Variants in SGK1 observed in about 807,000 individuals in gnomAD.
The protein encoded by SGK1 is serine/threonine-protein kinase Sgk1.
Under a neutral mutation model 64.2 loss-of-function variants are expected in SGK1, and 26 were observed. The observed-to-expected ratio is 0.40, with a 90% CI of 0.30 to 0.56. The LOEUF (loss-of-function observed/expected upper bound fraction) is 0.56. SGK1 is among the 20% of genes least tolerant of loss of function. The pLI is 0.38. For synonymous variants in SGK1, 265 were observed against 239.7 expected (o/e 1.11, Z -0.98); for missense variants, 519 against 645.6 (o/e 0.80, Z 2.12).
chr6:134,224,429 G>T (rs1379111989), intron 2 of SGK1, among the ~76,000 whole-genome samples: 1 of 152,152 alleles, frequency 6.6e-6, no homozygotes, highest in African/African-American at 2.4e-5. Context: ...GATCACTTGA[G>T]TTCTTAACTT....
Position 134,176,379 on chromosome 6 carries a change from G to T in SGK1, c.362-1793C>A, listed in dbSNP as rs529568953. Among the ~76,000 whole-genome samples the T allele has an allele frequency of 9.8e-5, 15 of 152,352 alleles. 1 individual carries two copies. Among genetic ancestry groups the T allele is most frequent in the African/African-American group, 3.6e-4 (15 of 41,586 alleles). On this transcript the variant is annotated intron_variant, in intron 3 of 13. Coordinates refer to ENST00000367858, the MANE Select transcript of SGK1 (RefSeq NM_001143676.3). ...TAGCCGGGTGACTCCGCTGCAGAAG[G>T]CAGGGAAGAGAGGGAAGCTCGAGGC...
chr6:134,173,373 A>T lies in SGK1; in HGVS notation c.619-16T>A, dbSNP rs763560132. 14 of 1,605,784 alleles carry T rather than the reference A, an allele frequency of 8.7e-6. No homozygotes were observed. Among genetic ancestry groups the T allele is most frequent in the Middle Eastern group, 1.6e-4 (1 of 6,070 alleles). ...CTAGAAGAACCTGAAATTTCAATTT[A>T]AAAAAATCATTTTTCTATCCTCATC... On this transcript the variant is annotated splice_polypyrimidine_tract_variant and intron_variant, in intron 6 of 13. Transcript: ENST00000367858.
At position 134,264,658 on chromosome 6, in the gene SGK1, G is replaced by A. The variant is rs796659050; in HGVS notation, c.70-2510C>T. Among the ~76,000 whole-genome samples the A allele has an allele frequency of 6.6e-5, 10 of 151,890 alleles. No individual in the cohort carries two copies. In the East Asian group the frequency reaches 1.9e-3, roughly 29 times the overall value. On this transcript the variant is annotated intron_variant, in intron 1 of 13. Coordinates refer to ENST00000367858, the MANE Select transcript of SGK1 (RefSeq NM_001143676.3). ...TATTATTATTATTTTTGTTGTTGTT[G>A]TTGTTAAAGGGTCTTGTTTTGTTCC... is the stretch of plus-strand genomic sequence containing the variant.
chr6:134,299,428 A>G (rs2114789726), intron 1 of SGK1, among the ~76,000 whole-genome samples: 1 of 152,290 alleles, frequency 6.6e-6, no homozygotes, highest in East Asian at 1.9e-4. Flanking sequence ...CATGGAACAA[A>G]AGCTGGCTCT....
chr6:134,273,478 A>G (rs1776971575), intron 1 of SGK1, among the ~76,000 whole-genome samples: 1 of 148,574 alleles, frequency 6.7e-6, no homozygotes. Context: ...CTGTAGTCCC[A>G]GCTACTTGGG....
chr6:134,267,498 G>T (rs1582752877), intron 1 of SGK1, among the ~76,000 whole-genome samples: 1 of 152,040 alleles, frequency 6.6e-6, no homozygotes, highest in Admixed American at 6.6e-5. Context: ...TCATTATGTT[G>T]CCCAGGCTGG....
rs1774942296 is a variant in SGK1, at chr6:134,169,614, T to C, written c.*654A>G. The C allele has an allele frequency of 6.5e-6, 1 of 152,692 alleles. No homozygotes were observed. Among genetic ancestry groups the C allele is most frequent in the Non-Finnish European group, 1.5e-5 (1 of 68,046 alleles). The allele number at this position is 152,692 out of a possible 1,614,324, so 9.5% of individuals were successfully genotyped here. A position where few individuals can be genotyped will look rare whatever the true frequency, so the allele number is the denominator to read the frequency against. On this transcript the variant is annotated 3_prime_UTR_variant, in exon 14 of 14. Transcript: ENST00000367858. ...ATAGAAATATTTGTAGCAGCAATGC[T>C]TTCTTTAAGCATCTGAATACGAGTC...
chr6:134,294,077 G>C (rs1391583298), intron 1 of SGK1, among the ~76,000 whole-genome samples: 4 of 152,168 alleles, frequency 2.6e-5, no homozygotes, highest in Non-Finnish European at 5.9e-5. Flanking sequence ...AGATAGCTCA[G>C]GTCCTGAGCA....
At chr6:134,296,439 C>A (rs987333273) in intron 1 of SGK1, among the ~76,000 whole-genome samples, 1 of 152,016 alleles carries the variant, frequency 6.6e-6, no homozygotes, top group Non-Finnish European at 1.5e-5. Context: ...GCTCAGCTAA[C>A]TTTTTCATTT....
chr6:134,232,837 G>A (rs1409346616), intron 2 of SGK1, among the ~76,000 whole-genome samples: 1 of 149,414 alleles, frequency 6.7e-6, no homozygotes, highest in Non-Finnish European at 1.5e-5. Flanking sequence ...GGGCGACAGA[G>A]TGAGACTCCA....
chr6:134,254,623 A>G (rs1454464288), intron 2 of SGK1, among the ~76,000 whole-genome samples: 2 of 152,062 alleles, frequency 1.3e-5, no homozygotes, highest in Non-Finnish European at 1.5e-5. Context: ...CCACCTAATC[A>G]CTGGCCAGTT....
At chr6:134,186,027 T>C (rs1250603966) in intron 3 of SGK1, among the ~76,000 whole-genome samples, 1 of 151,552 alleles carries the variant, frequency 6.6e-6, no homozygotes, top group East Asian at 1.9e-4. Flanking sequence ...CACACATCAG[T>C]CTCCTTTGGA....
At chr6:134,239,878 G>A (rs1261938777) in intron 2 of SGK1, among the ~76,000 whole-genome samples, 1 of 152,172 alleles carries the variant, frequency 6.6e-6, no homozygotes, top group African/African-American at 2.4e-5. Flanking sequence ...CAGACATGCA[G>A]CTTCAGCAGA....
At chr6:134,253,044 A>T (rs538565968) in intron 2 of SGK1, among the ~76,000 whole-genome samples, 1 of 152,346 alleles carries the variant, frequency 6.6e-6, no homozygotes, top group African/African-American at 2.4e-5. Flanking sequence ...TATGGAAACT[A>T]TTCCTAGCTG....
intron 2 of SGK1, among the ~76,000 whole-genome samples, chr6:134,219,019 G>A (rs2114699480): frequency 6.6e-6 from 1 of 152,152 alleles, no homozygotes; most frequent in South Asian, 2.1e-4. Context: ...GTCTTGCTCT[G>A]TCGCCCAGGC....
At chr6:134,243,952 T>A (rs1346747754) in intron 2 of SGK1, among the ~76,000 whole-genome samples, 1 of 152,086 alleles carries the variant, frequency 6.6e-6, no homozygotes, top group Non-Finnish European at 1.5e-5. Context: ...ATTTATTTAT[T>A]TTAATAATAT....
At chr6:134,198,767 G>T (rs1582704888) in intron 3 of SGK1, among the ~76,000 whole-genome samples, 1 of 110,488 alleles carries the variant, frequency 9.1e-6, no homozygotes, top group African/African-American at 3.5e-5. Context: ...TCTTACTCCT[G>T]GCCTCAAGTG....
chr6:134,228,308 T>C (rs1274433971), intron 2 of SGK1, among the ~76,000 whole-genome samples: 1 of 152,178 alleles, frequency 6.6e-6, no homozygotes, highest in Non-Finnish European at 1.5e-5. Context: ...TAGTACATAG[T>C]ACTGTTTTTA....
chr6:134,173,132 C>T lies in SGK1; in HGVS notation c.725G>A (p.Arg242Gln), dbSNP rs1426526565. 1 of 1,613,764 alleles carries T rather than the reference C, an allele frequency of 6.2e-7. No individual in the cohort carries two copies. The highest frequency in any genetic ancestry group is 8.5e-7 in the Non-Finnish European group (1 of 1,179,780). ...CTTCACATTCTTCAACAGAACATTC[C>T]GCTCCGACATAATATGCTTCTCCTA... ...KKEEKHIMSE[R>Q]NVLLKNVKHP... The change falls in exon 8 of 14, where the codon CGG (arginine) becomes CAG (glutamine). Residue 242 changes from arginine (R) to glutamine (Q), a missense_variant. Physicochemically the swap from Arg to Gln is conservative, Grantham distance 43 (BLOSUM62 1). This residue lies in a region of SGK1 where 278 missense variants were observed against 408.7 expected (regional missense o/e 0.68). Transcript: ENST00000367858.
Sources: gnomAD v4.1 joint callset for allele counts (sites outside exome capture counted in the v4.1 genomes callset) on GRCh38, gnomAD v4.1.1 for gene constraint, gnomAD v4.1.1 regional missense constraint, MANE v1.5 for transcripts, NCBI Gene and HGNC (gene_info 2026-07-23, HGNC 2026-07-21) for gene names.